Variants in ARHGAP6 observed in about 807,000 individuals in gnomAD.
The protein encoded by ARHGAP6 is Rho GTPase activating protein 6.
A neutral mutation model predicts 55.7 loss-of-function variants in ARHGAP6; 16 were observed. That is an observed-to-expected ratio of 0.29 (90% CI 0.19 to 0.44). The LOEUF is 0.44. Ranked by LOEUF, ARHGAP6 falls within the 20% of genes least tolerant of loss-of-function variation. ARHGAP6 has a pLI of 1.00. For synonymous variants in ARHGAP6, 382 were observed against 360.9 expected (o/e 1.06, Z -0.66); for missense variants, 698 against 808.9 (o/e 0.86, Z 1.66).
At chrX:11,411,443 T>C (rs1190983378) in intron 1 of ARHGAP6, among the ~76,000 whole-genome samples, 1 of 107,579 alleles carries the variant, frequency 9.3e-6, no homozygotes, top group African/African-American at 3.4e-5. Context: ...TAACCATAAC[T>C]ATTAATTCAG....
At chrX:11,176,973 T>C (rs2046234779) in intron 8 of ARHGAP6, among the ~76,000 whole-genome samples, 1 of 112,196 alleles carries the variant, frequency 8.9e-6, no homozygotes, top group South Asian at 3.7e-4. Flanking sequence ...AAATTATACA[T>C]AACCACGTTC....
intron 1 of ARHGAP6, among the ~76,000 whole-genome samples, chrX:11,456,781 A>G (rs2050197738): frequency 1.8e-5 from 2 of 112,850 alleles, no homozygotes; most frequent in South Asian, 7.3e-4. Context: ...TACAATGTTC[A>G]CTAATCAGTG....
intron 1 of ARHGAP6, among the ~76,000 whole-genome samples, chrX:11,608,745 G>T (rs1423615447): frequency 9.0e-6 from 1 of 111,668 alleles, no homozygotes; most frequent in African/African-American, 3.3e-5. Context: ...AGATCTGATG[G>T]TTTTATCAGG....
intron 1 of ARHGAP6, among the ~76,000 whole-genome samples, chrX:11,525,713 G>A (rs1348619110): frequency 8.9e-6 from 1 of 111,892 alleles, no homozygotes; most frequent in Non-Finnish European, 1.9e-5. Flanking sequence ...TGCTAGGAGT[G>A]GAGCACTGAA....
At chrX:11,610,965 G>GT (rs900176376) in intron 1 of ARHGAP6, among the ~76,000 whole-genome samples, 1 of 112,254 alleles carries the variant, frequency 8.9e-6, no homozygotes, top group Non-Finnish European at 1.9e-5. Context: ...TTCGTATAAT[G>GT]TTTTCAAAGT....
At chrX:11,264,066 C>T (rs188680309) in intron 1 of ARHGAP6, among the ~76,000 whole-genome samples, 2 of 111,089 alleles carry the variant, frequency 1.8e-5, no homozygotes, top group Admixed American at 9.6e-5. Context: ...GCTGCCCTTC[C>T]GTAAAGGTAA....
chrX:11,265,646 C>T, intron 1 of ARHGAP6: 1 of 807,498 alleles, frequency 1.2e-6, no homozygotes, highest in Non-Finnish European at 1.5e-6. Context: ...CAATTATTTT[C>T]TGAAAAAGTA....
intron 1 of ARHGAP6, among the ~76,000 whole-genome samples, chrX:11,395,746 G>C (rs1489561971): frequency 8.9e-6 from 1 of 112,208 alleles, no homozygotes; most frequent in Non-Finnish European, 1.9e-5. Context: ...GGTGACTGTT[G>C]CTATTTGCTA....
At chrX:11,294,892 G>C (rs1258879601) in intron 1 of ARHGAP6, 2 of 1,178,776 alleles carry the variant, frequency 1.7e-6, no homozygotes, top group Admixed American at 2.2e-5. Flanking sequence ...CACAAACTTG[G>C]ACATAAAAAT....
intron 1 of ARHGAP6, among the ~76,000 whole-genome samples, chrX:11,654,226 A>C (rs767971670): frequency 9.0e-6 from 1 of 111,669 alleles, no homozygotes; most frequent in Non-Finnish European, 1.9e-5. Context: ...CAGCTTGCCC[A>C]ATTGTTTTTC....
chrX:11,158,665 C>A (rs1253133431), intron 9 of ARHGAP6, among the ~76,000 whole-genome samples: 1 of 112,385 alleles, frequency 8.9e-6, no homozygotes, highest in Non-Finnish European at 1.9e-5. Flanking sequence ...CATCCACTTG[C>A]ATACTGTCCT....
intron 1 of ARHGAP6, among the ~76,000 whole-genome samples, chrX:11,592,830 T>A (rs1045453461): frequency 5.4e-5 from 6 of 111,346 alleles, no homozygotes; most frequent in African/African-American, 2.0e-4. Flanking sequence ...CTGTTGGTGG[T>A]AGGGGCTGCA....
intron 1 of ARHGAP6, among the ~76,000 whole-genome samples, chrX:11,464,839 G>C (rs1369646393): frequency 1.8e-5 from 2 of 112,014 alleles, no homozygotes; most frequent in African/African-American, 6.5e-5. Flanking sequence ...GTGGCCACCT[G>C]GTCTGGCCAT....
At chrX:11,367,716 G>A in intron 1 of ARHGAP6, 1 of 611,650 alleles carries the variant, frequency 1.6e-6, no homozygotes, top group Non-Finnish European at 2.0e-6. Flanking sequence ...GACAGATCTT[G>A]TGCTTGTGGC....
intron 1 of ARHGAP6, among the ~76,000 whole-genome samples, chrX:11,350,648 C>T (rs933111629): frequency 7.2e-5 from 8 of 111,514 alleles, no homozygotes; most frequent in African/African-American, 2.6e-4. Context: ...TTCTACTGTC[C>T]CAAACAGAAT....
At chrX:11,523,841 T>C (rs2050961959) in intron 1 of ARHGAP6, among the ~76,000 whole-genome samples, 1 of 111,389 alleles carries the variant, frequency 9.0e-6, no homozygotes, top group South Asian at 3.8e-4. Flanking sequence ...ACCACGGTAC[T>C]CAAGGAGAAA....
At position 11,430,912 on chromosome X, in the gene ARHGAP6, T is replaced by C. The variant is rs1255799492; in HGVS notation, c.589-176205A>G. ...ACCCCACTGCCCTTCTGAGTGTCCA[T>C]TGTCTATCATTCCACACTTTATAAA... is the stretch of plus-strand genomic sequence containing the variant. On this transcript the variant is annotated intron_variant, in intron 1 of 12. Coordinates refer to ENST00000337414, the MANE Select transcript of ARHGAP6 (RefSeq NM_013427.3). 3.6e-5 allele frequency among the ~76,000 whole-genome samples: 4 copies of C among 111,835 alleles called. No individual in the cohort carries two copies. The East Asian group carries it at 1.1e-3, about 31-fold the overall frequency.
chrX:11,555,530 G>C (rs1601640599), intron 1 of ARHGAP6, among the ~76,000 whole-genome samples: 2 of 110,664 alleles, frequency 1.8e-5, no homozygotes, highest in Middle Eastern at 9.2e-3. Flanking sequence ...AAGGTGGGCA[G>C]ATCACTTGAA....
intron 1 of ARHGAP6, among the ~76,000 whole-genome samples, chrX:11,270,303 C>T (rs1159271040): frequency 9.0e-6 from 1 of 111,662 alleles, no homozygotes; most frequent in African/African-American, 3.3e-5. Context: ...ACAGAGCATC[C>T]AACAGAGACT....
Sources: gnomAD v4.1 joint callset for allele counts (sites outside exome capture counted in the v4.1 genomes callset) on GRCh38, gnomAD v4.1.1 for gene constraint, MANE v1.5 for transcripts, NCBI Gene and HGNC (gene_info 2026-07-23, HGNC 2026-07-21) for gene names.